Variants in GULP1 observed in about 807,000 individuals in gnomAD.
GULP1 encodes the protein GULP PTB domain containing engulfment adaptor 1, also known as PTB domain-containing engulfment adapter protein 1.
In GULP1, 19 loss-of-function variants were observed where a neutral mutation model predicts 40.9. The observed-to-expected ratio is 0.46, with a 90% CI of 0.32 to 0.68. GULP1 has a LOEUF of 0.68. Among genes scored for constraint, GULP1 ranks in the 30% least tolerant of loss-of-function variants. The pLI is 0.03. For synonymous variants in GULP1, 119 were observed against 117.6 expected (o/e 1.01, Z -0.08); for missense variants, 312 against 362.2 (o/e 0.86, Z 1.12).
intron 7 of GULP1, among the ~76,000 whole-genome samples, chr2:188,551,859 A>G (rs1043157207): frequency 4.0e-5 from 6 of 151,806 alleles, no homozygotes; most frequent in African/African-American, 9.7e-5. Flanking sequence ...CTTTTTGACA[A>G]TAGCCATTCT....
At chr2:188,423,716 T>C (rs1221250246) in intron 2 of GULP1, among the ~76,000 whole-genome samples, 1 of 151,852 alleles carries the variant, frequency 6.6e-6, no homozygotes, top group Non-Finnish European at 1.5e-5. Flanking sequence ...TAAAATAGTT[T>C]TCAGATGAGG....
At chr2:188,407,563 A>T (rs947412466) in intron 2 of GULP1, among the ~76,000 whole-genome samples, 1 of 152,208 alleles carries the variant, frequency 6.6e-6, no homozygotes, top group Non-Finnish European at 1.5e-5. Context: ...AATTAATTTT[A>T]TCAGTTTAAA....
At chr2:188,584,580 G>T (rs1175512112) in intron 10 of GULP1, among the ~76,000 whole-genome samples, 177 bp downstream of exon 10, 1 of 151,620 alleles carries the variant, frequency 6.6e-6, no homozygotes, top group East Asian at 1.9e-4. Flanking sequence ...TTATAATTCA[G>T]ACTACACTAC....
intron 1 of GULP1, among the ~76,000 whole-genome samples, chr2:188,379,728 T>A (rs2048765959): frequency 6.6e-6 from 1 of 152,226 alleles, no homozygotes; most frequent in Admixed American, 6.5e-5. Flanking sequence ...AGCCTCATCT[T>A]ATTACTAAAG....
At chr2:188,523,896 T>G (rs1473594135) in intron 5 of GULP1, among the ~76,000 whole-genome samples, 1 of 152,204 alleles carries the variant, frequency 6.6e-6, no homozygotes, top group Non-Finnish European at 1.5e-5. Context: ...TGCTAAAATC[T>G]CCGAAGATAA....
intron 2 of GULP1, among the ~76,000 whole-genome samples, chr2:188,416,454 G>T (rs1198390213): frequency 2.6e-5 from 4 of 152,120 alleles, no homozygotes; most frequent in Non-Finnish European, 5.9e-5. Context: ...TGACTGGAGT[G>T]GGTAAAATAC....
chr2:188,456,129 T>C (rs2059237753), intron 2 of GULP1, among the ~76,000 whole-genome samples: 2 of 152,158 alleles, frequency 1.3e-5, no homozygotes, highest in Admixed American at 1.3e-4. Flanking sequence ...GCTTAAACGT[T>C]TGGAAAATTT....
intron 4 of GULP1, among the ~76,000 whole-genome samples, chr2:188,517,876 G>T (rs1314774495): frequency 6.6e-6 from 1 of 152,100 alleles, no homozygotes; most frequent in South Asian, 2.1e-4. Flanking sequence ...CCTCACTTCT[G>T]CTCCCAGCCA....
intron 1 of GULP1, among the ~76,000 whole-genome samples, chr2:188,338,401 C>T (rs999663063): frequency 1.3e-5 from 2 of 151,734 alleles, no homozygotes; most frequent in Admixed American, 6.6e-5. Context: ...ATCTCCCAGG[C>T]TCAAGTGATC....
At chr2:188,433,415 T>C (rs2057098525) in intron 2 of GULP1, among the ~76,000 whole-genome samples, 2 of 152,118 alleles carry the variant, frequency 1.3e-5, no homozygotes, top group East Asian at 3.9e-4. Flanking sequence ...GATGAGCTAA[T>C]TGAAATTGAT....
intron 1 of GULP1, among the ~76,000 whole-genome samples, chr2:188,377,848 T>A (rs187200821): frequency 0.011 from 1,679 of 152,272 alleles, 11 homozygotes; most frequent in Non-Finnish European, 0.015. Context: ...TTAAAATAAA[T>A]TTTTAAAACC....
intron 4 of GULP1, among the ~76,000 whole-genome samples, chr2:188,519,985 C>T (rs940086218): frequency 4.6e-5 from 7 of 152,180 alleles, no homozygotes; most frequent in African/African-American, 1.7e-4. Flanking sequence ...ATGATTCTGT[C>T]ATTCAATCAA....
At chr2:188,438,598 T>C (rs1426578996) in intron 2 of GULP1, among the ~76,000 whole-genome samples, 1 of 151,716 alleles carries the variant, frequency 6.6e-6, no homozygotes, top group East Asian at 1.9e-4. Flanking sequence ...TACTGGTTAA[T>C]TGCATTATTC....
intron 1 of GULP1, among the ~76,000 whole-genome samples, chr2:188,381,888 A>G (rs2049045210): frequency 1.3e-5 from 2 of 152,186 alleles, no homozygotes; most frequent in Non-Finnish European, 2.9e-5. Flanking sequence ...AGCAAGGTGA[A>G]ATGAATTGTG....
At chr2:188,496,404 T>C (rs1046972883) in intron 4 of GULP1, among the ~76,000 whole-genome samples, 2 of 151,968 alleles carry the variant, frequency 1.3e-5, no homozygotes, top group East Asian at 3.9e-4. Flanking sequence ...GAGGAGATGA[T>C]GGAATAAAAA....
At chr2:188,493,560 C>T (rs574085933) in intron 4 of GULP1, among the ~76,000 whole-genome samples, 12 of 152,016 alleles carry the variant, frequency 7.9e-5, no homozygotes, top group African/African-American at 2.9e-4. Flanking sequence ...AATGTCACCC[C>T]TAAACTCCAG....
At chr2:188,421,240 G>A (rs1421739881) in intron 2 of GULP1, among the ~76,000 whole-genome samples, 2 of 152,012 alleles carry the variant, frequency 1.3e-5, no homozygotes, top group East Asian at 3.9e-4. Context: ...AAAATCAATT[G>A]TGTTTGTATA....
intron 9 of GULP1, among the ~76,000 whole-genome samples, chr2:188,575,025 C>T (rs1699889327): frequency 6.6e-6 from 1 of 152,072 alleles, no homozygotes; most frequent in African/African-American, 2.4e-5. Flanking sequence ...TATACATGAA[C>T]ATGAATTGGT....
At chr2:188,388,733 G>A (rs1236125696) in intron 2 of GULP1, among the ~76,000 whole-genome samples, 1 of 152,120 alleles carries the variant, frequency 6.6e-6, no homozygotes, top group Admixed American at 6.6e-5. Context: ...AAAATAAAAC[G>A]ATGAAGACAT....
Sources: gnomAD v4.1 joint callset for allele counts (sites outside exome capture counted in the v4.1 genomes callset) on GRCh38, gnomAD v4.1.1 for gene constraint, MANE v1.5 for transcripts, NCBI Gene and HGNC (gene_info 2026-07-23, HGNC 2026-07-21) for gene names.